Variants in C1S observed in about 807,000 individuals in gnomAD.
C1S encodes the protein complement C1s, also known as complement C1s subcomponent.
In C1S, 31 loss-of-function variants were observed where a neutral mutation model predicts 54.0. The observed-to-expected ratio is 0.57, with a 90% CI of 0.43 to 0.78. The LOEUF is 0.78. Ranked by LOEUF, C1S falls within the 30% of genes least tolerant of loss-of-function variation. C1S has a pLI of 0.00. For synonymous variants in C1S, 292 were observed against 303.6 expected (o/e 0.96, Z 0.40); for missense variants, 727 against 851.8 (o/e 0.85, Z 1.82).
Position 7,063,023 on chromosome 12 carries a change from A to T in C1S, c.347A>T (p.Asn116Ile). The T allele has an allele frequency of 6.2e-7, 1 of 1,614,100 alleles. No individual in the cohort carries two copies. The highest frequency in any genetic ancestry group is 8.5e-7 in the Non-Finnish European group (1 of 1,180,014). ...LQVIFKSDFS[N>I]EERFTGFAAY... ...GTGATCTTTAAGTCAGACTTTTCCA[A>T]TGAAGAGCGTTTTACGGGGTTTGCT... The change falls in exon 4 of 12, where the codon AAT (asparagine) becomes ATT (isoleucine). Residue 116 changes from asparagine to isoleucine, a missense_variant. Coordinates refer to ENST00000360817, the MANE Select transcript of C1S (RefSeq NM_001734.5).
At position 7,070,379 on chromosome 12, in the gene C1S, A is replaced by G. The variant is rs781978012; in HGVS notation, c.1795A>G (p.Lys599Glu). The change falls in exon 12 of 12, where the codon AAA becomes GAA. Residue 599 changes from lysine (K) to glutamate (E), a missense_variant. This residue lies in a region of C1S where 360 missense variants were observed against 453.6 expected (regional missense o/e 0.79). Coordinates refer to ENST00000360817, the MANE Select transcript of C1S (RefSeq NM_001734.5). The surrounding 1 kb of genome is among the most constrained non-coding windows in gnomAD (Gnocchi z 4.9). ...TCCTTTAAGAAAATGCAAAGAAGTG[A>G]AAGTGGAGAAACCCACAGCAGATGC... ...VAPLRKCKEV[K>E]VEKPTADAEA... is the part of the protein sequence containing the mutation. 5 of 1,614,276 alleles carry G rather than the reference A, an allele frequency of 3.1e-6. No individual in the cohort carries two copies. The Admixed American group carries it at 8.3e-5, about 27-fold the overall frequency.
At chr12:7,063,331 G>A in intron 4 of C1S, 1 of 540,374 alleles carries the variant, frequency 1.9e-6, no homozygotes, top group Non-Finnish European at 3.5e-6. Flanking sequence ...TATGTATTGG[G>A]GATTGGGGAT....
At position 7,070,039 on chromosome 12, in the gene C1S, G is replaced by A. The variant is rs1937801788; in HGVS notation, c.1455G>A (p.Met485Ile). Residue 485 changes from methionine (M) to isoleucine (I), a missense_variant, in exon 12 of 12, where the codon ATG (methionine) becomes ATA (isoleucine). Physicochemically the swap from Met to Ile is conservative, Grantham distance 10. Around this residue, in one of 3 missense-constraint regions of C1S, gnomAD observed 360 missense variants for 453.6 expected, o/e 0.79. Transcript: ENST00000360817. This position sits in a 1 kb window ranked among gnomAD's most constrained non-coding sequence, Gnocchi z 4.9. ...TGGAGGGAAACAGGGAGCCAACAAT[G>A]TATGTTGGGTCCACCTCAGTGCAGA... ...HVVEGNREPT[M>I]YVGSTSVQTS... is the part of the protein sequence containing the mutation. 1.9e-6 allele frequency: 3 copies of A among 1,614,064 alleles called. No individual in the cohort carries two copies. The highest frequency in any genetic ancestry group is 2.2e-5 in the East Asian group (1 of 44,874).
At chr12:7,063,200 C>T (rs1416550910) in intron 4 of C1S, 133 bp downstream of exon 4, 4 of 797,696 alleles carry the variant, frequency 5.0e-6, no homozygotes, top group Non-Finnish European at 8.1e-6. Flanking sequence ...GCCTGGGTCG[C>T]TCCATAAATC....
Position 7,070,692 on chromosome 12 carries a change from A to C in C1S, c.*41A>C. The C allele has an allele frequency of 7.0e-7, 1 of 1,419,838 alleles. No homozygotes were observed. The highest frequency in any genetic ancestry group is 1.0e-6 in the Non-Finnish European group (1 of 1,004,354). The allele number at this position is 1,419,838 out of a possible 1,614,324, so 88.0% of individuals were successfully genotyped here. A position where few individuals can be genotyped will look rare whatever the true frequency, so the allele number is the denominator to read the frequency against. On this transcript the variant is annotated 3_prime_UTR_variant, in exon 12 of 12. Coordinates refer to ENST00000360817, the MANE Select transcript of C1S (RefSeq NM_001734.5). The surrounding 1 kb of genome is among the most constrained non-coding windows in gnomAD (Gnocchi z 4.9). ...CCAGCCTCTCCAAGGGTGGTGACCAATGCATTACCTTCTGTTCCTTATGAT... is the reference window on the plus strand; with the variant it reads ...CCAGCCTCTCCAAGGGTGGTGACCACTGCATTACCTTCTGTTCCTTATGAT...
At chr12:7,063,738 G>A (rs1947130783) in intron 4 of C1S, among the ~76,000 whole-genome samples, 1 of 152,162 alleles carries the variant, frequency 6.6e-6, no homozygotes, top group African/African-American at 2.4e-5. Context: ...ATTAAGAGCT[G>A]CCTAGGCCGG....
At position 7,066,625 on chromosome 12, in the gene C1S, G is replaced by GTT. The variant is rs1565622421; in HGVS notation, c.980_981dup (p.Val328LeufsTer26). 6.2e-7 allele frequency: 1 copy of GTT among 1,605,244 alleles called. No homozygotes were observed. Among genetic ancestry groups the GTT allele is most frequent in the African/African-American group, 1.3e-5 (1 of 74,884 alleles). ...GATAACCTGTCTGGATGGGTTTGAA[G>GTT]TTGTGGAGGTAAAGTACCACCTTGG... On this transcript the variant is annotated frameshift_variant, in exon 8 of 12. Transcript: ENST00000360817. LOFTEE classifies it high-confidence loss of function.
chr12:7,070,724 A>C lies in C1S; in HGVS notation c.*73A>C. The stretch of plus-strand genomic sequence containing the variant: ...ACCTTCTGTTCCTTATGATATTCTC[A>C]TTATTTCATCATGACTGAAAGAAGA... On this transcript the variant is annotated 3_prime_UTR_variant, in exon 12 of 12. Transcript: ENST00000360817. The surrounding 1 kb of genome is among the most constrained non-coding windows in gnomAD (Gnocchi z 4.9). The C allele has an allele frequency of 4.2e-6, 5 of 1,201,140 alleles. No individual in the cohort carries two copies. The highest frequency in any genetic ancestry group is 6.2e-6 in the Non-Finnish European group (5 of 808,568). 74.4% of individuals were successfully genotyped at this position (1,201,140 alleles called of 1,614,324 possible).
Position 7,070,092 on chromosome 12 carries a change from T to A in C1S, c.1508T>A (p.Leu503His). The change falls in exon 12 of 12, where the codon CTC becomes CAC. Residue 503 changes from leucine (L) to histidine (H), a missense_variant. Transcript: ENST00000360817. This position sits in a 1 kb window ranked among gnomAD's most constrained non-coding sequence, Gnocchi z 4.9. ...QTSRLAKSKM[L>H]TPEHVFIHPG... ...TCACGGCTGGCAAAATCCAAGATGC[T>A]CACTCCTGAGCATGTGTTTATTCAT... The A allele has an allele frequency of 6.2e-7, 1 of 1,614,122 alleles. No homozygotes were observed. Among genetic ancestry groups the A allele is most frequent in the African/African-American group, 1.3e-5 (1 of 75,034 alleles).
rs2135731141 is a variant in C1S, at chr12:7,070,637, C to A, written c.2053C>A (p.Pro685Thr). 8.7e-6 allele frequency: 14 copies of A among 1,613,808 alleles called. No homozygotes were observed. The highest frequency in any genetic ancestry group is 1.2e-5 in the Non-Finnish European group (14 of 1,179,950). ...IMKTMQENST[P>T]RED ...GAAGACTATGCAGGAAAATAGCACC[C>A]CCCGTGAGGACTAATCCAGATACAT... The change falls in exon 12 of 12, where the codon CCC (proline) becomes ACC (threonine). Residue 685 changes from proline to threonine, a missense_variant. Pro to Thr is a conservative substitution (Grantham distance 38). Coordinates refer to ENST00000360817, the MANE Select transcript of C1S (RefSeq NM_001734.5). This position sits in a 1 kb window ranked among gnomAD's most constrained non-coding sequence, Gnocchi z 4.9.
chr12:7,067,740 G>A lies in C1S; in HGVS notation c.1164G>A (p.Glu388=). ...FGSVIRYTCE[E]PYYYMENGGG... is the part of the protein sequence containing the mutation. ...CTGTCATCCGCTACACTTGTGAGGA[G>A]CCATATTACTACATGGAAAATGGAG... The change falls in exon 10 of 12, where the codon GAG becomes GAA. Residue 388 remains glutamate (E), a synonymous_variant. Coordinates refer to ENST00000360817, the MANE Select transcript of C1S (RefSeq NM_001734.5). 6.2e-7 allele frequency: 1 copy of A among 1,614,022 alleles called. No homozygotes were observed. The highest frequency in any genetic ancestry group is 1.7e-4 in the Middle Eastern group (1 of 6,054).
chr12:7,070,831 A>C lies in C1S; in HGVS notation c.*180A>C, dbSNP rs1937838183. On this transcript the variant is annotated 3_prime_UTR_variant, in exon 12 of 12. Transcript: ENST00000360817. This position sits in a 1 kb window ranked among gnomAD's most constrained non-coding sequence, Gnocchi z 4.9. ...GTTTGATCATAGAATTGTGCTGGTC[A>C]TACATTTGTGGTCTGACTCCTTGGG... is the stretch of plus-strand genomic sequence containing the variant. 3 of 661,420 alleles carry C rather than the reference A, an allele frequency of 4.5e-6. No individual in the cohort carries two copies. The highest frequency in any genetic ancestry group is 3.6e-5 in the African/African-American group (2 of 55,988). The allele number at this position is 661,420 out of a possible 1,614,324, so 41.0% of individuals were successfully genotyped here. A position where few individuals can be genotyped will look rare whatever the true frequency, so the allele number is the denominator to read the frequency against.
At chr12:7,069,422 G>C (rs1937775474) in intron 11 of C1S, among the ~76,000 whole-genome samples, 1 of 152,180 alleles carries the variant, frequency 6.6e-6, no homozygotes, top group Non-Finnish European at 1.5e-5. Flanking sequence ...AGTTTGATCT[G>C]GGCATCTGAA....
Position 7,067,220 on chromosome 12 carries a change from G to A in C1S, c.1066+103G>A, listed in dbSNP as rs1287630943. The A allele has an allele frequency of 1.6e-5, 14 of 892,188 alleles. No individual in the cohort carries two copies. In the African/African-American group the frequency reaches 2.1e-4, roughly 14 times the overall value. The allele number at this position is 892,188 out of a possible 1,614,324, so 55.3% of individuals were successfully genotyped here. ...GCATGGTTTCCTCTTAGGCATGTGAGGGAGTGGGTTGGGTTTTTGAAGGGA... is the reference window on the plus strand; with the variant it reads ...GCATGGTTTCCTCTTAGGCATGTGAAGGAGTGGGTTGGGTTTTTGAAGGGA... On this transcript the variant is annotated intron_variant, in intron 9 of 11. Transcript: ENST00000360817.
rs1947112419 is a variant in C1S, at chr12:7,062,623, C to G, written c.154C>G (p.Leu52Val). The change falls in exon 3 of 12, where the codon CTC becomes GTC. Residue 52 changes from leucine to valine, a missense_variant. Physicochemically the swap from Leu to Val is conservative, Grantham distance 32 (BLOSUM62 1). This residue lies in a region of C1S where 357 missense variants were observed against 365.4 expected (regional missense o/e 0.98). Coordinates refer to ENST00000360817, the MANE Select transcript of C1S (RefSeq NM_001734.5). ...AGTTCCTGAAGGGTATGGGATTCAC[C>G]TCTACTTCACCCATCTGGACATTGA... is the stretch of plus-strand genomic sequence containing the variant. ...IEVPEGYGIH[L>V]YFTHLDIELS... 1 of 1,614,014 alleles carries G rather than the reference C, an allele frequency of 6.2e-7. No individual in the cohort carries two copies. The highest frequency in any genetic ancestry group is 8.5e-7 in the Non-Finnish European group (1 of 1,180,020).
chr12:7,068,727 A>G (rs1937747460), intron 11 of C1S, 197 bp downstream of exon 11: 2 of 592,156 alleles, frequency 3.4e-6, no homozygotes, highest in East Asian at 2.8e-5. Flanking sequence ...AGCCAGGCCA[A>G]CTGGAAGGAA....
chr12:7,064,506 C>T, intron 5 of C1S, 114 bp downstream of exon 5: 8 of 948,216 alleles, frequency 8.4e-6, no homozygotes, highest in Non-Finnish European at 1.1e-5. Context: ...TCATTTGGCA[C>T]TTCTTTTTTA....
chr12:7,065,420 A>G, intron 6 of C1S, 121 bp downstream of exon 6: 1 of 770,756 alleles, frequency 1.3e-6, no homozygotes, highest in South Asian at 1.4e-5. Context: ...CAGTGGTGCA[A>G]TCACAGCTCA....
chr12:7,063,395 G>C, intron 4 of C1S: 1 of 471,704 alleles, frequency 2.1e-6, no homozygotes, highest in South Asian at 1.6e-5. Flanking sequence ...GGTATTATTT[G>C]CTCCATATAA....
Sources: gnomAD v4.1 joint callset for allele counts (sites outside exome capture counted in the v4.1 genomes callset) on GRCh38, gnomAD v4.1.1 for gene constraint, gnomAD v4.1.1 regional missense constraint, Gnocchi (gnomAD v3.1) non-coding constraint, MANE v1.5 for transcripts, NCBI Gene and HGNC (gene_info 2026-07-23, HGNC 2026-07-21) for gene names.